The following MTERF3 variants were observed in gnomAD, a reference collection of about 807,000 sequenced individuals.
MTERF3 encodes mitochondrial transcription termination factor 3.
MTERF3 carries 40 observed loss-of-function variants against 40.5 expected under a neutral mutation model. The observed-to-expected ratio is 0.99, with a 90% CI of 0.77 to 1.29. The LOEUF (loss-of-function observed/expected upper bound fraction) is 1.29, where lower values mean the gene tolerates loss of function less well. Among genes scored for constraint, MTERF3 ranks in the 50% most tolerant of loss-of-function variants. MTERF3 has a pLI of 0.00. For missense variants in MTERF3, 452 were observed against 478.2 expected (o/e 0.95, Z 0.51); for synonymous variants, 158 against 166.6 (o/e 0.95, Z 0.40).
chr8:96,240,247 CAA>C (rs955824608), intron 7 of MTERF3, among the ~76,000 whole-genome samples: 10 of 103,140 alleles, frequency 9.7e-5, no homozygotes, highest in Admixed American at 1.1e-4. Flanking sequence ...GACTCCATCT[CAA>C]AAAAAAAAAA....
intron 3 of MTERF3, among the ~76,000 whole-genome samples, chr8:96,252,504 T>C (rs1243700812): frequency 6.6e-6 from 1 of 152,206 alleles, no homozygotes; most frequent in Non-Finnish European, 1.5e-5. Context: ...TGGAAAGCTA[T>C]TCCACAATTT....
intron 4 of MTERF3, 76 bp from the exon 5 acceptor site, chr8:96,246,530 TCCCA>T: frequency 7.6e-7 from 1 of 1,314,708 alleles, no homozygotes; most frequent in Non-Finnish European, 1.0e-6. Context: ...TCATGCTACT[TCCCA>T]AAGTAACAGC....
intron 4 of MTERF3, among the ~76,000 whole-genome samples, chr8:96,250,615 C>CAGAAGAAGGAGAAGA (rs1810132290): frequency 8.5e-5 from 1 of 11,790 alleles, no homozygotes; most frequent in Non-Finnish European, 2.0e-4. Context: ...GAGGCTGAGG[C>CAGAAGAAGGAGAAGA]AGAAGAAGAA....
At chr8:96,245,585 G>A (rs1027791988) in intron 6 of MTERF3, among the ~76,000 whole-genome samples, 1 of 152,120 alleles carries the variant, frequency 6.6e-6, no homozygotes, top group Admixed American at 6.6e-5. Flanking sequence ...GCAGTTTCAG[G>A]GTACCACTTA....
chr8:96,260,192 C>A (rs1037810975), intron 1 of MTERF3: 1 of 152,158 alleles, frequency 6.6e-6, no homozygotes, highest in African/African-American at 2.4e-5. Context: ...TGAGCCACTG[C>A]GCTCGGCCCA....
At chr8:96,257,539 C>T (rs1470302514) in intron 2 of MTERF3, among the ~76,000 whole-genome samples, 1 of 152,184 alleles carries the variant, frequency 6.6e-6, no homozygotes, top group Non-Finnish European at 1.5e-5. Flanking sequence ...CCAATGCCCT[C>T]CCTTCCAAGT....
chr8:96,244,169 G>A, intron 6 of MTERF3, 89 bp from the exon 7 acceptor site: 1 of 940,270 alleles, frequency 1.1e-6, no homozygotes, highest in Non-Finnish European at 1.6e-6. Context: ...TTTTTTTTTT[G>A]AGATGGAGCT....
intron 7 of MTERF3, among the ~76,000 whole-genome samples, chr8:96,243,687 T>C (rs1470110897): frequency 2.0e-5 from 3 of 152,112 alleles, no homozygotes; most frequent in Admixed American, 6.5e-5. Flanking sequence ...GAGAAAAACA[T>C]GAGAGAGAAG....
intron 7 of MTERF3, chr8:96,239,907 G>A: frequency 1.5e-6 from 1 of 682,624 alleles, no homozygotes; most frequent in Admixed American, 2.3e-5. Context: ...AAATAATTCA[G>A]GGCTATACTG....
In MTERF3 at chr8:96,243,989, A is replaced by C; in HGVS notation, c.989T>G (p.Leu330Arg). The change falls in exon 7 of 8, where the codon CTT becomes CGT. Residue 330 changes from leucine (L) to arginine (R), a missense_variant. Leu to Arg is a moderately radical substitution (Grantham distance 102, BLOSUM62 -2). Transcript: ENST00000287025. ...PKMLTANKMK[L>R]TETFDFVHNV... is the part of the protein sequence containing the mutation. ...GTGCACAAAATCAAACGTCTCGGTAAGTTTCATTTTATTTGCAGTTAACAT... is the reference window on the plus strand; with the variant it reads ...GTGCACAAAATCAAACGTCTCGGTACGTTTCATTTTATTTGCAGTTAACAT... 6.2e-7 allele frequency: 1 copy of C among 1,614,136 alleles called. No homozygotes were observed. The highest frequency in any genetic ancestry group is 8.5e-7 in the Non-Finnish European group (1 of 1,179,980).
rs148193767 is a variant in MTERF3, at chr8:96,240,777, T to TA, written c.1060-1093dup. ...AAGCTCTCCTCTTGGCTGTTACAGA[T>TA]ATAATGTGAACACGGGATGCGTTCA... On this transcript the variant is annotated intron_variant, in intron 7 of 7. Transcript: ENST00000287025. Among the ~76,000 whole-genome samples the TA allele has an allele frequency of 8.7e-3, 1,327 of 151,996 alleles. 7 individuals carry two copies. The highest frequency in any genetic ancestry group is 0.044 in the Middle Eastern group (13 of 294).
intron 4 of MTERF3, among the ~76,000 whole-genome samples, chr8:96,248,895 C>G (rs1487431139): frequency 6.6e-6 from 1 of 152,142 alleles, no homozygotes; most frequent in African/African-American, 2.4e-5. Context: ...AATAAAGGTT[C>G]TCATACCTGT....
In MTERF3 at chr8:96,246,295, C is replaced by A. The variant is rs780831175; in HGVS notation, c.825+12G>T. The A allele has an allele frequency of 2.5e-6, 4 of 1,586,046 alleles. No homozygotes were observed. Among genetic ancestry groups the A allele is most frequent in the Non-Finnish European group, 3.4e-6 (4 of 1,172,022 alleles). Reference sequence around the variant, plus strand: ...TGACATGGAAATAAACAAATTCTCTCCTTTTCTTTACCTTCTTCACACTAA... The same window carrying A: ...TGACATGGAAATAAACAAATTCTCTACTTTTCTTTACCTTCTTCACACTAA... On this transcript the variant is annotated intron_variant, in intron 5 of 7. Coordinates refer to ENST00000287025, the MANE Select transcript of MTERF3 (RefSeq NM_015942.5).
At chr8:96,249,115 T>C (rs554959736) in intron 4 of MTERF3, among the ~76,000 whole-genome samples, 1 of 152,308 alleles carries the variant, frequency 6.6e-6, no homozygotes, top group African/African-American at 2.4e-5. Flanking sequence ...AGCTATTAAG[T>C]TTCCTTCAAA....
intron 4 of MTERF3, among the ~76,000 whole-genome samples, chr8:96,250,648 A>AAGGAGAAGGAGAAGAAGGAGAAGG (rs1810144911): frequency 3.6e-5 from 1 of 27,472 alleles, no homozygotes; most frequent in African/African-American, 1.4e-4. Flanking sequence ...GAAGAAGAAG[A>AAGGAGAAGGAGAAGAAGGAGAAGG]AGAAGAAGAA....
intron 7 of MTERF3, among the ~76,000 whole-genome samples, chr8:96,242,041 G>A (rs1303129780): frequency 6.6e-6 from 1 of 151,720 alleles, no homozygotes; most frequent in African/African-American, 2.4e-5. Flanking sequence ...TTAATTAATC[G>A]TAAGTCAGAT....
rs1422909134 is a variant in MTERF3 at position 96,245,948 on chromosome 8, A to C, written c.826-17T>G. 8 of 1,609,174 alleles carry C rather than the reference A, an allele frequency of 5.0e-6. No individual in the cohort carries two copies. The highest frequency in any genetic ancestry group is 1.3e-5 in the African/African-American group (1 of 74,770). On this transcript the variant is annotated splice_polypyrimidine_tract_variant and intron_variant, in intron 5 of 7. Coordinates refer to ENST00000287025, the MANE Select transcript of MTERF3 (RefSeq NM_015942.5). The stretch of plus-strand genomic sequence containing the variant: ...ATCTCTAGTCTGTGGTTGCAAACAA[A>C]ACAATCTAGTATTACTATACGTGCA...
intron 5 of MTERF3, 79 bp from the exon 6 acceptor site, chr8:96,246,010 A>T: frequency 2.3e-6 from 3 of 1,325,162 alleles, no homozygotes; most frequent in South Asian, 2.5e-5. Context: ...CATTATTAAG[A>T]TACAAAGTTA....
Position 96,239,676 on chromosome 8 carries a change from T to C in MTERF3, c.1069A>G (p.Thr357Ala). ...IIVKFPQVFNTRLFKVKERHL... is the reference protein window; with the variant it reads ...IIVKFPQVFNARLFKVKERHL... The stretch of plus-strand genomic sequence containing the variant: ...CTTTCTTTGACCTTAAACAGCCTTG[T>C]ATTAAATACCTAGAAAAGAAAAAAA... Residue 357 changes from threonine (T) to alanine (A), a missense_variant, in exon 8 of 8, where the codon ACA (threonine) becomes GCA (alanine). By Grantham distance (58) the Thr-to-Ala change is moderately conservative. Transcript: ENST00000287025. 6.3e-7 allele frequency: 1 copy of C among 1,577,624 alleles called. No individual in the cohort carries two copies. Among genetic ancestry groups the C allele is most frequent in the South Asian group, 1.2e-5 (1 of 84,878 alleles).
Sources: gnomAD v4.1 joint callset for allele counts (sites outside exome capture counted in the v4.1 genomes callset) on GRCh38, gnomAD v4.1.1 for gene constraint, MANE v1.5 for transcripts, NCBI Gene and HGNC (gene_info 2026-07-23, HGNC 2026-07-21) for gene names.